ADGRV1: variants seen among roughly 807,000 people sequenced by gnomAD.
The protein encoded by ADGRV1 is G-protein coupled receptor 98.
Under a neutral mutation model 596.2 loss-of-function variants are expected in ADGRV1, and 359 were observed. That is an observed-to-expected ratio of 0.60 (90% confidence interval 0.55 to 0.66). The LOEUF is 0.66. Among genes scored for constraint, ADGRV1 ranks in the 30% least tolerant of loss-of-function variants. The probability of loss-of-function intolerance (pLI) is 0.00; values close to 1 mark genes in which losing one functional copy is unlikely to be tolerated. For missense variants in ADGRV1, 7,274 were observed against 7,575.6 expected, an observed-to-expected ratio of 0.96 and a Z score of 1.48; for synonymous variants, 2,681 against 2,679.2, an observed-to-expected ratio of 1.00 and a Z score of -0.02.
At chr5:90,943,285 G>A (rs1229789472) in intron 83 of ADGRV1, among the ~76,000 whole-genome samples, 2 of 152,134 alleles carry the variant, frequency 1.3e-5, no homozygotes, top group African/African-American at 2.4e-5. Context: ...GATATGGGAT[G>A]TAGTGAGAAA....
intron 68 of ADGRV1, among the ~76,000 whole-genome samples, chr5:90,788,863 G>GAC (rs70973708): frequency 0.07 from 10,252 of 146,926 alleles, 644 homozygotes; most frequent in African/African-American, 0.17. Context: ...CACAGACACA[G>GAC]ACACACACAC....
intron 59 of ADGRV1, among the ~76,000 whole-genome samples, chr5:90,773,870 T>G (rs1243164556): frequency 6.6e-6 from 1 of 152,198 alleles, no homozygotes; most frequent in Non-Finnish European, 1.5e-5. Context: ...TTATAAAGTC[T>G]ATGACCTTTG....
chr5:90,633,052 C>G lies in ADGRV1; in HGVS notation c.1840-2062C>G, dbSNP rs557437141. Among the ~76,000 whole-genome samples the G allele has an allele frequency of 2.0e-5, 3 of 152,310 alleles. No individual in the cohort carries two copies. The South Asian group carries it at 6.2e-4, about 32-fold the overall frequency. ...TCGCTCCTCATTCTTTAGTAACCCT[C>G]TCAGCTAAATACGTTAGTCTGAGAT... On this transcript the variant is annotated intron_variant, in intron 9 of 89. Coordinates refer to ENST00000405460, the MANE Select transcript of ADGRV1 (RefSeq NM_032119.4).
At chr5:91,094,269 G>C (rs936547438) in intron 86 of ADGRV1, among the ~76,000 whole-genome samples, 3 of 151,928 alleles carry the variant, frequency 2.0e-5, no homozygotes, top group African/African-American at 7.2e-5. Context: ...GACCAGCCTG[G>C]CCAACATGAT....
At chr5:90,915,115 A>C (rs1773230566) in intron 83 of ADGRV1, among the ~76,000 whole-genome samples, 1 of 152,190 alleles carries the variant, frequency 6.6e-6, no homozygotes, top group African/African-American at 2.4e-5. Context: ...ACTTTTAAAA[A>C]ATGTTCAGTA....
intron 83 of ADGRV1, among the ~76,000 whole-genome samples, chr5:90,877,072 G>A (rs537010494): frequency 6.6e-6 from 1 of 152,292 alleles, no homozygotes; most frequent in African/African-American, 2.4e-5. Flanking sequence ...ATTCTATCCA[G>A]GTTGAGGAGT....
At chr5:90,638,546 T>TC (rs1766550947) in intron 11 of ADGRV1, among the ~76,000 whole-genome samples, 1 of 151,754 alleles carries the variant, frequency 6.6e-6, no homozygotes, top group Non-Finnish European at 1.5e-5. Flanking sequence ...AGAGTTTTTT[T>TC]TTTCAGTTTT....
At chr5:90,635,050 AG>A in intron 9 of ADGRV1, 63 bp from the exon 10 acceptor site, 1 of 1,071,324 alleles carries the variant, frequency 9.3e-7, no homozygotes, top group South Asian at 1.5e-5. Flanking sequence ...CATGCTGTTA[AG>A]CTTTTTTAAA....
chr5:90,975,811 C>CTTAAA (rs1273402765), intron 84 of ADGRV1, among the ~76,000 whole-genome samples: 2 of 151,678 alleles, frequency 1.3e-5, no homozygotes, highest in Admixed American at 1.3e-4. Flanking sequence ...AGGTAACAAA[C>CTTAAA]CTGCACATTG....
chr5:91,131,330 T>G (rs1001298956), intron 87 of ADGRV1, among the ~76,000 whole-genome samples: 1 of 152,300 alleles, frequency 6.6e-6, no homozygotes, highest in South Asian at 2.1e-4. Context: ...TCATTATGGT[T>G]TTTATTTGTG....
chr5:91,037,221 G>A (rs116564006), intron 85 of ADGRV1, among the ~76,000 whole-genome samples: 3 of 152,110 alleles, frequency 2.0e-5, no homozygotes, highest in Non-Finnish European at 2.9e-5. Flanking sequence ...TTTATAACAG[G>A]TACAAGCAAA....
intron 85 of ADGRV1, among the ~76,000 whole-genome samples, chr5:91,021,460 G>T (rs1783626892): frequency 6.6e-6 from 1 of 152,068 alleles, no homozygotes; most frequent in African/African-American, 2.4e-5. Flanking sequence ...AATGAGCTCA[G>T]TTTTATTTAT....
chr5:91,021,348 C>G (rs1324353331), intron 85 of ADGRV1, among the ~76,000 whole-genome samples: 5 of 152,008 alleles, frequency 3.3e-5, no homozygotes, highest in Non-Finnish European at 7.4e-5. Flanking sequence ...CTGTCTTTCC[C>G]TTGGTGGTAT....
At chr5:90,891,438 G>T (rs1014409347) in intron 83 of ADGRV1, among the ~76,000 whole-genome samples, 1 of 151,464 alleles carries the variant, frequency 6.6e-6, no homozygotes, top group Admixed American at 6.6e-5. Context: ...ATTAGTATGT[G>T]CAGGGAAGCA....
intron 84 of ADGRV1, among the ~76,000 whole-genome samples, chr5:90,975,097 G>A (rs4916699): frequency 0.5 from 74,805 of 150,250 alleles, 20,231 homozygotes; most frequent in African/African-American, 0.71. Context: ...GACACATGAA[G>A]AAATGCTCAT....
intron 83 of ADGRV1, among the ~76,000 whole-genome samples, chr5:90,936,315 T>C (rs1848482): frequency 0.85 from 129,694 of 152,124 alleles, 55,889 homozygotes; most frequent in African/African-American, 0.96. Context: ...TACATGCACA[T>C]ACACACATTC....
chr5:91,004,992 A>G (rs1379933344), intron 85 of ADGRV1, among the ~76,000 whole-genome samples: 2 of 152,156 alleles, frequency 1.3e-5, no homozygotes, highest in African/African-American at 2.4e-5. Context: ...ATGTTTTATA[A>G]TTTTGTTCTC....
intron 11 of ADGRV1, among the ~76,000 whole-genome samples, chr5:90,639,857 C>T (rs1766738733): frequency 6.6e-6 from 1 of 152,064 alleles, no homozygotes; most frequent in East Asian, 1.9e-4. Flanking sequence ...TGATAGCAAG[C>T]ATGATTACAA....
intron 83 of ADGRV1, among the ~76,000 whole-genome samples, chr5:90,912,561 C>T (rs958474773): frequency 3.3e-5 from 5 of 152,102 alleles, no homozygotes; most frequent in African/African-American, 9.7e-5. Context: ...TAGTAGTCCC[C>T]ACTGTCTATT....
Sources: allele counts gnomAD v4.1 joint callset (sites outside exome capture counted in the v4.1 genomes callset), GRCh38; gene constraint gnomAD v4.1.1; transcripts MANE v1.5; gene names NCBI Gene and HGNC (gene_info 2026-07-23, HGNC 2026-07-21).